Variants in EEFSEC observed in about 807,000 individuals in gnomAD.
The protein encoded by EEFSEC is selenocysteine-specific elongation factor.
EEFSEC carries 43 observed loss-of-function variants against 42.1 expected under a neutral mutation model. That is an observed-to-expected ratio of 1.02 (90% CI 0.80 to 1.32). The LOEUF (loss-of-function observed/expected upper bound fraction) is 1.32, where lower values mean the gene tolerates loss of function less well. Ranked by LOEUF, EEFSEC falls within the 40% of genes most tolerant of loss-of-function variation. EEFSEC has a pLI of 0.00. For missense variants in EEFSEC, 745 were observed against 803.6 expected, an observed-to-expected ratio of 0.93 and a Z score of 0.88; for synonymous variants, 354 against 339.1, an observed-to-expected ratio of 1.04 and a Z score of -0.48.
chr3:128,247,567 G>A (rs6764368), intron 2 of EEFSEC, among the ~76,000 whole-genome samples: 250 of 152,324 alleles, frequency 1.6e-3, no homozygotes, highest in African/African-American at 5.7e-3. Flanking sequence ...TGGACAGACC[G>A]ACAGATGGTT....
chr3:128,425,428 A>G, the EEFSEC span, among the ~76,000 whole-genome samples: 2 of 152,140 alleles, frequency 1.3e-5, no homozygotes, highest in East Asian at 1.9e-4. Context: ...GGCTGCTTCC[A>G]GTTTGGGGTG....
chr3:128,316,609 A>G (rs367972250), intron 4 of EEFSEC, among the ~76,000 whole-genome samples: 4 of 152,198 alleles, frequency 2.6e-5, no homozygotes, highest in South Asian at 4.1e-4. Flanking sequence ...TTTCCGGAGG[A>G]CTGTCACGTG....
rs143924592 is a variant in EEFSEC at position 128,174,415 on chromosome 3, G to GT, written c.316+20599dup. 5.9e-3 allele frequency among the ~76,000 whole-genome samples: 899 copies of GT among 152,298 alleles called. 7 individuals are homozygous for GT. Among genetic ancestry groups the GT allele is most frequent in the Non-Finnish European group, 9.5e-3 (648 of 68,008 alleles). On this transcript the variant is annotated intron_variant, in intron 1 of 6. Transcript: ENST00000254730. ...TCTTTTTGTATTTTGGAGCCAGTAA[G>GT]TTTTTTTATGTTTGCAAACACTCTG...
At position 128,341,589 on chromosome 3, in the gene EEFSEC, C is replaced by G; in HGVS notation, c.1143C>G (p.Ser381=). The part of the protein sequence containing the change: ...QEYLFQEQYL[S]KDLTPAVTDN... ...ACCTTTTCCAGGAGCAGTACCTGTC[C>G]AAGGATTTGACACCAGCAGTGACAG... The change falls in exon 5 of 7, where the codon TCC becomes TCG. Residue 381 remains serine (S), a synonymous_variant. Coordinates refer to ENST00000254730, the MANE Select transcript of EEFSEC (RefSeq NM_021937.5). 6.2e-7 allele frequency: 1 copy of G among 1,614,020 alleles called. No homozygotes were observed. The highest frequency in any genetic ancestry group is 8.5e-7 in the Non-Finnish European group (1 of 1,180,026).
At chr3:128,374,175 C>T (rs2067684432) in intron 6 of EEFSEC, among the ~76,000 whole-genome samples, 1 of 152,226 alleles carries the variant, frequency 6.6e-6, no homozygotes, top group Admixed American at 6.5e-5. Flanking sequence ...GATGCACCAT[C>T]GGTGCCCAGT....
intron 4 of EEFSEC, among the ~76,000 whole-genome samples, chr3:128,321,611 A>G (rs2067009117): frequency 6.6e-6 from 1 of 151,960 alleles, no homozygotes; most frequent in Non-Finnish European, 1.5e-5. Context: ...GCCTTTCACT[A>G]TGGGCGCCCG....
At position 128,247,182 on chromosome 3, in the gene EEFSEC, C is replaced by T. The variant is rs1010255019; in HGVS notation, c.524+139C>T. The T allele has an allele frequency of 1.3e-5, 11 of 864,626 alleles. No homozygotes were observed. The South Asian group carries it at 1.5e-4, about 12-fold the overall frequency. The allele number at this position is 864,626 out of a possible 1,614,324, so 53.6% of individuals were successfully genotyped here. ...GTGAGATCTCAACCTGGCATTTGCT[C>T]ACATAAGGGCTGCATTAAATGAGGT... On this transcript the variant is annotated intron_variant, in intron 2 of 6. Coordinates refer to ENST00000254730, the MANE Select transcript of EEFSEC (RefSeq NM_021937.5).
chr3:128,293,344 T>C (rs2066664162), intron 4 of EEFSEC, among the ~76,000 whole-genome samples: 1 of 152,186 alleles, frequency 6.6e-6, no homozygotes, highest in South Asian at 2.1e-4. Context: ...GGACATCCTC[T>C]CCTTCTTTTG....
chr3:128,186,788 T>C (rs1245624463), intron 1 of EEFSEC, among the ~76,000 whole-genome samples: 1 of 152,244 alleles, frequency 6.6e-6, no homozygotes, highest in Non-Finnish European at 1.5e-5. Context: ...AGCCTTATTC[T>C]GAACTATTTT....
chr3:128,292,714 A>G (rs1252275555), intron 4 of EEFSEC, among the ~76,000 whole-genome samples: 2 of 151,544 alleles, frequency 1.3e-5, no homozygotes, highest in East Asian at 1.9e-4. Context: ...GTCTTGCTAG[A>G]TGTTTGTTTA....
At chr3:128,254,073 TC>T in intron 2 of EEFSEC, among the ~76,000 whole-genome samples, 1 of 152,226 alleles carries the variant, frequency 6.6e-6, no homozygotes, top group South Asian at 2.1e-4. Context: ...CTGAGGAGCT[TC>T]CTGTGCAGTT....
At chr3:128,371,567 C>G (rs569345747) in intron 6 of EEFSEC, among the ~76,000 whole-genome samples, 17 of 152,300 alleles carry the variant, frequency 1.1e-4, no homozygotes, top group Non-Finnish European at 2.2e-4. Flanking sequence ...GGGAGGAACA[C>G]AGTCAGAAAG....
At chr3:128,185,781 T>C (rs570312223) in intron 1 of EEFSEC, among the ~76,000 whole-genome samples, 6 of 152,352 alleles carry the variant, frequency 3.9e-5, no homozygotes, top group African/African-American at 1.4e-4. Context: ...ACTTCATTCC[T>C]TTTTAAGACT....
chr3:128,156,411 A>G (rs1218720861), intron 1 of EEFSEC, among the ~76,000 whole-genome samples: 1 of 152,190 alleles, frequency 6.6e-6, no homozygotes, highest in African/African-American at 2.4e-5. Flanking sequence ...ATGCTTCCCC[A>G]GGTTACCCTA....
intron 1 of EEFSEC, among the ~76,000 whole-genome samples, chr3:128,179,885 GT>G (rs2065387518): frequency 6.6e-6 from 1 of 151,322 alleles, no homozygotes; most frequent in Non-Finnish European, 1.5e-5. Flanking sequence ...TCTTATCAGA[GT>G]AAAAAAAAAA....
intron 4 of EEFSEC, among the ~76,000 whole-genome samples, chr3:128,280,515 C>T (rs1312447793): frequency 1.3e-5 from 2 of 152,212 alleles, no homozygotes; most frequent in East Asian, 1.9e-4. Context: ...TGGCACTGTT[C>T]TGCTGAGGGC....
chr3:128,250,293 T>C (rs1381871474), intron 2 of EEFSEC, among the ~76,000 whole-genome samples: 1 of 152,188 alleles, frequency 6.6e-6, no homozygotes, highest in Non-Finnish European at 1.5e-5. Context: ...TAATTGCCTG[T>C]GCTTTTGGAG....
intron 4 of EEFSEC, among the ~76,000 whole-genome samples, chr3:128,292,818 T>C (rs2066658516): frequency 1.3e-5 from 2 of 152,152 alleles, no homozygotes; most frequent in East Asian, 3.9e-4. Flanking sequence ...TCCTCTTTAT[T>C]ATTTCCTTTT....
intron 5 of EEFSEC, among the ~76,000 whole-genome samples, chr3:128,347,708 T>C (rs184006097): frequency 4.6e-5 from 7 of 152,292 alleles, no homozygotes; most frequent in Admixed American, 3.9e-4. Context: ...GGTTAAATAC[T>C]GACAAAGGTA....
Sources: gnomAD v4.1 joint callset for allele counts (sites outside exome capture counted in the v4.1 genomes callset) on GRCh38, gnomAD v4.1.1 for gene constraint, MANE v1.5 for transcripts, NCBI Gene and HGNC (gene_info 2026-07-23, HGNC 2026-07-21) for gene names.